PGLS: variants seen among roughly 807,000 people sequenced by gnomAD.
The protein encoded by PGLS is 6-phosphogluconolactonase.
A neutral mutation model predicts 23.2 loss-of-function variants in PGLS; 21 were observed. That is an observed-to-expected ratio of 0.91 (90% CI 0.64 to 1.31). PGLS has a LOEUF of 1.31. Ranked by LOEUF, PGLS falls within the 50% of genes most tolerant of loss-of-function variation. The pLI is 0.00. For synonymous variants in PGLS, 179 were observed against 165.4 expected (o/e 1.08, Z -0.63); for missense variants, 410 against 354.0 (o/e 1.16, Z -1.27).
intron 4 of PGLS, 123 bp downstream of exon 4, chr19:17,517,973 T>C (rs1338266947): frequency 1.6e-5 from 15 of 916,340 alleles, no homozygotes; most frequent in Non-Finnish European, 1.5e-6. Context: ...CATTCTTGGG[T>C]TGAAAGGTAA....
At chr19:17,516,916 ACT>A (rs2075536102) in intron 2 of PGLS, among the ~76,000 whole-genome samples, 1 of 142,038 alleles carries the variant, frequency 7.0e-6, no homozygotes, top group South Asian at 2.2e-4. Context: ...TTACTCTGTC[ACT>A]CTGTCACCTA....
At position 17,521,214 on chromosome 19, in the gene PGLS, C is replaced by A; in HGVS notation, c.*133C>A. The A allele has an allele frequency of 1.1e-6, 1 of 897,576 alleles. No individual in the cohort carries two copies. The highest frequency in any genetic ancestry group is 1.6e-6 in the Non-Finnish European group (1 of 606,810). 55.6% of individuals were successfully genotyped at this position (897,576 alleles called of 1,614,324 possible). On this transcript the variant is annotated 3_prime_UTR_variant, in exon 5 of 5. Coordinates refer to ENST00000252603, the MANE Select transcript of PGLS (RefSeq NM_012088.3). Reference sequence around the variant, plus strand: ...CTGCTGGAAGCCAACAGCCTCCGGCCAGCAGCCCTACCCGGGGCTCAACAC... The same window carrying A: ...CTGCTGGAAGCCAACAGCCTCCGGCAAGCAGCCCTACCCGGGGCTCAACAC...
At chr19:17,512,198 C>T in intron 1 of PGLS, 1 of 520,256 alleles carries the variant, frequency 1.9e-6, no homozygotes, top group Non-Finnish European at 3.4e-6. Context: ...CCCTCGGCTA[C>T]GGGGGCCACT....
chr19:17,514,714 G>A (rs1316477260), intron 1 of PGLS, among the ~76,000 whole-genome samples: 2 of 151,480 alleles, frequency 1.3e-5, no homozygotes, highest in East Asian at 1.9e-4. Context: ...GTGCAATGGC[G>A]CGATCTCAGC....
chr19:17,516,778 G>A lies in PGLS; in HGVS notation c.396+498G>A, dbSNP rs549592572. Among the ~76,000 whole-genome samples the A allele has an allele frequency of 1.3e-4, 20 of 149,208 alleles. No homozygotes were observed. In the South Asian group the frequency reaches 1.7e-3, roughly 13 times the overall value. ...TTTTTTGTATTTTTTTAGTAGAGAC[G>A]GGGTTTCACCATGTTAGCCAGGATG... On this transcript the variant is annotated intron_variant, in intron 2 of 4. Transcript: ENST00000252603.
At position 17,521,184 on chromosome 19, in the gene PGLS, T is replaced by C; in HGVS notation, c.*103T>C. The C allele has an allele frequency of 8.0e-7, 1 of 1,250,142 alleles. No homozygotes were observed. Among genetic ancestry groups the C allele is most frequent in the Non-Finnish European group, 1.1e-6 (1 of 925,262 alleles). The allele number at this position is 1,250,142 out of a possible 1,614,324, so 77.4% of individuals were successfully genotyped here. ...GCTCTCCTTTCAAAAAGCCACGTCGTGCTGCTGCTGGAAGCCAACAGCCTC... is the reference window on the plus strand; with the variant it reads ...GCTCTCCTTTCAAAAAGCCACGTCGCGCTGCTGCTGGAAGCCAACAGCCTC... On this transcript the variant is annotated 3_prime_UTR_variant, in exon 5 of 5. Transcript: ENST00000252603.
At chr19:17,516,301 G>A (rs760276099) in intron 2 of PGLS, 21 bp downstream of exon 2, 29 of 1,606,654 alleles carry the variant, frequency 1.8e-5, no homozygotes, top group South Asian at 3.3e-5. Flanking sequence ...AGGAGCGGCC[G>A]CAAGGGAGTC....
chr19:17,519,587 A>G (rs1378840806), intron 4 of PGLS, among the ~76,000 whole-genome samples: 1 of 151,826 alleles, frequency 6.6e-6, no homozygotes, highest in Non-Finnish European at 1.5e-5. Context: ...TTTAGTAGAG[A>G]CAGGGTTTCA....
chr19:17,511,934 G>A lies in PGLS; in HGVS notation c.262G>A (p.Ala88Thr), dbSNP rs1414874917. 7 of 1,549,886 alleles carry A rather than the reference G, an allele frequency of 4.5e-6. No individual in the cohort carries two copies. Among genetic ancestry groups the A allele is most frequent in the South Asian group, 1.2e-5 (1 of 84,288 alleles). ...CGAGCGCCTCGTGCCCTTCGATCAC[G>A]CCGAGAGCACGTACGGCCTCTACCG... ...CDERLVPFDH[A>T]ESTYGLYRTH... The change falls in exon 1 of 5, where the codon GCC becomes ACC. Residue 88 changes from alanine to threonine, a missense_variant. Physicochemically the swap from Ala to Thr is moderately conservative, Grantham distance 58. Coordinates refer to ENST00000252603, the MANE Select transcript of PGLS (RefSeq NM_012088.3).
At chr19:17,520,643 A>G in intron 4 of PGLS, 1 of 232,948 alleles carries the variant, frequency 4.3e-6, no homozygotes. Context: ...AGGCAGAAGA[A>G]TCGCTTGAAA....
chr19:17,511,650 T>C lies in PGLS; in HGVS notation c.-23T>C, dbSNP rs1055880312. On this transcript the variant is annotated 5_prime_UTR_variant, in exon 1 of 5. Coordinates refer to ENST00000252603, the MANE Select transcript of PGLS (RefSeq NM_012088.3). Reference sequence around the variant, plus strand: ...AGCGACGGCCGTAGGGAGCGCTTCCTCCTCCCCGCCGCCGCCCTCGCCATG... The same window carrying C: ...AGCGACGGCCGTAGGGAGCGCTTCCCCCTCCCCGCCGCCGCCCTCGCCATG... The C allele has an allele frequency of 2.7e-6, 4 of 1,458,948 alleles. No homozygotes were observed. The highest frequency in any genetic ancestry group is 1.5e-5 in the African/African-American group (1 of 66,420). 90.4% of individuals were successfully genotyped at this position (1,458,948 alleles called of 1,614,324 possible).
At chr19:17,516,882 CTT>C (rs796344044) in intron 2 of PGLS, among the ~76,000 whole-genome samples, 1 of 137,836 alleles carries the variant, frequency 7.3e-6, no homozygotes, top group African/African-American at 2.7e-5. Flanking sequence ...CACCATGGGC[CTT>C]TTTTTTTTTT....
chr19:17,511,876 T>G lies in PGLS; in HGVS notation c.204T>G (p.Ala68=), dbSNP rs1348571657. ...LPAAVAPAGP[A]SLARWTLGFC... ...CCGCCGTCGCCCCTGCCGGGCCAGC[T>G]AGCTTAGCGCGCTGGACGCTGGGCT... Residue 68 remains alanine (A), a synonymous_variant, in exon 1 of 5, where the codon GCT becomes GCG. Coordinates refer to ENST00000252603, the MANE Select transcript of PGLS (RefSeq NM_012088.3). 3.9e-6 allele frequency: 6 copies of G among 1,538,670 alleles called. No homozygotes were observed. The highest frequency in any genetic ancestry group is 4.4e-6 in the Non-Finnish European group (5 of 1,144,082).
intron 1 of PGLS, among the ~76,000 whole-genome samples, chr19:17,514,295 C>T (rs1199548578): frequency 1.3e-5 from 2 of 152,032 alleles, no homozygotes. Flanking sequence ...TGCACATGGC[C>T]TTCTTGGATT....
chr19:17,513,556 T>A (rs2075519692), intron 1 of PGLS, among the ~76,000 whole-genome samples: 1 of 145,440 alleles, frequency 6.9e-6, no homozygotes, highest in South Asian at 2.2e-4. Context: ...TGGTGGCTCA[T>A]ACCTGTAATC....
chr19:17,520,355 C>T (rs946712116), intron 4 of PGLS: 4 of 151,904 alleles, frequency 2.6e-5, no homozygotes, highest in Non-Finnish European at 5.9e-5. Flanking sequence ...CTAGACCAGC[C>T]TGACCAACAT....
At chr19:17,513,822 T>G (rs2075520996) in intron 1 of PGLS, among the ~76,000 whole-genome samples, 1 of 152,068 alleles carries the variant, frequency 6.6e-6, no homozygotes, top group South Asian at 2.1e-4. Context: ...TGTCTCAAAA[T>G]AAATAATTGT....
At position 17,517,326 on chromosome 19, in the gene PGLS, G is replaced by C. The variant is rs1208963042; in HGVS notation, c.435G>C (p.Leu145=). Residue 145 remains leucine (L), a synonymous_variant, in exon 3 of 5, where the codon CTG becomes CTC. Coordinates refer to ENST00000252603, the MANE Select transcript of PGLS (RefSeq NM_012088.3). ...QGDSIPVFDL[L]ILGVGPDGHT... The stretch of plus-strand genomic sequence containing the variant: ...ACTCCATCCCGGTTTTCGACCTGCT[G>C]ATCCTGGGGGTGGGCCCCGATGGTC... 4.3e-6 allele frequency: 7 copies of C among 1,613,896 alleles called. No individual in the cohort carries two copies. The highest frequency in any genetic ancestry group is 5.9e-6 in the Non-Finnish European group (7 of 1,179,976).
chr19:17,514,553 A>G lies in PGLS; in HGVS notation c.289-1620A>G, dbSNP rs147640664. ...GTTGCCCAGGCTGGAGTGCAGAGGC[A>G]TGATCGTGGCTTACTGCAGCCTTCA... On this transcript the variant is annotated intron_variant, in intron 1 of 4. Transcript: ENST00000252603. Among the ~76,000 whole-genome samples, 811 of 149,250 alleles carry G rather than the reference A, an allele frequency of 5.4e-3. 6 individuals carry two copies. The highest frequency in any genetic ancestry group is 0.019 in the African/African-American group (781 of 40,418).
Sources: allele counts gnomAD v4.1 joint callset (sites outside exome capture counted in the v4.1 genomes callset), GRCh38; gene constraint gnomAD v4.1.1; transcripts MANE v1.5; gene names NCBI Gene and HGNC (gene_info 2026-07-23, HGNC 2026-07-21).